SAFB: variants seen among roughly 807,000 people sequenced by gnomAD.
The protein encoded by SAFB is scaffold attachment factor B1.
Under a neutral mutation model 101.6 loss-of-function variants are expected in SAFB, and 15 were observed. The ratio of observed to expected loss-of-function variants is 0.15; its 90% confidence interval spans 0.10 to 0.23. SAFB has a LOEUF of 0.23. Among genes scored for constraint, SAFB ranks in the 10% least tolerant of loss-of-function variants. SAFB has a pLI of 1.00. For synonymous variants in SAFB, 449 were observed against 407.5 expected, an observed-to-expected ratio of 1.10 and a Z score of -1.23; for missense variants, 930 against 1,104.1, an observed-to-expected ratio of 0.84 and a Z score of 2.23.
rs747442533 is a variant in SAFB, at chr19:5,649,899, T to C, written c.1149-27T>C. On this transcript the variant is annotated intron_variant, in intron 7 of 20. Coordinates refer to ENST00000588852, the MANE Select transcript of SAFB (RefSeq NM_001201338.2). The stretch of plus-strand genomic sequence containing the variant: ...TTGTTTCCTCCATGCTGCTTCCTTG[T>C]GGAGTGACATTGTCTTTTGTCTCTA... 4 of 1,607,024 alleles carry C rather than the reference T, an allele frequency of 2.5e-6. No homozygotes were observed. The South Asian group carries it at 3.3e-5, about 13-fold the overall frequency.
At position 5,644,517 on chromosome 19, in the gene SAFB, G is replaced by A. The variant is rs58915903; in HGVS notation, c.547-820G>A. 4.7e-3 allele frequency among the ~76,000 whole-genome samples: 713 copies of A among 152,336 alleles called. 8 individuals are homozygous for A. Among genetic ancestry groups the A allele is most frequent in the African/African-American group, 0.017 (697 of 41,566 alleles). ...TAGCATATGCGATGACCACTGCATG[G>A]CAGGAAGAAAGGAGTAGTGGAGAGT... On this transcript the variant is annotated intron_variant, in intron 4 of 20. Transcript: ENST00000588852.
At chr19:5,643,400 T>C (rs953730856) in intron 4 of SAFB, among the ~76,000 whole-genome samples, 2 of 152,222 alleles carry the variant, frequency 1.3e-5, no homozygotes, top group African/African-American at 4.8e-5. Context: ...TTGGAACTGA[T>C]TCCAAGTATC....
At chr19:5,636,088 C>T (rs2053589415) in intron 2 of SAFB, among the ~76,000 whole-genome samples, 2 of 151,986 alleles carry the variant, frequency 1.3e-5, no homozygotes, top group African/African-American at 4.8e-5. Context: ...CATTTTACCT[C>T]GGGGGAGCTT....
chr19:5,667,676 G>A lies in SAFB; in HGVS notation c.2558-144G>A. 1 of 794,610 alleles carries A rather than the reference G, an allele frequency of 1.3e-6. No homozygotes were observed. Among genetic ancestry groups the A allele is most frequent in the South Asian group, 1.6e-5 (1 of 61,742 alleles). 49.2% of individuals were successfully genotyped at this position (794,610 alleles called of 1,614,324 possible). A position where few individuals can be genotyped will look rare whatever the true frequency, so the allele number is the denominator to read the frequency against. ...GCTGGGAGGAAGCTGGACGTCTATG[G>A]TCCCTGTGCCCAGGTGTCTTCCTGG... On this transcript the variant is annotated intron_variant, in intron 19 of 20. Coordinates refer to ENST00000588852, the MANE Select transcript of SAFB (RefSeq NM_001201338.2). The surrounding 1 kb of genome is among the most constrained non-coding windows in gnomAD (Gnocchi z 4.0).
Position 5,667,223 on chromosome 19 carries a change from A to G in SAFB, c.2453+59A>G, listed in dbSNP as rs1019679564. On this transcript the variant is annotated intron_variant, in intron 18 of 20. Transcript: ENST00000588852. The surrounding 1 kb of genome is among the most constrained non-coding windows in gnomAD (Gnocchi z 4.0). ...CCCCCCGCCCACAAGGGGGCCCGCA[A>G]GTCGCTGGGATGTGGGCACAGGGTG... The G allele has an allele frequency of 2.1e-5, 26 of 1,253,646 alleles. No homozygotes were observed. The highest frequency in any genetic ancestry group is 1.5e-4 in the African/African-American group (10 of 66,678). 77.7% of individuals were successfully genotyped at this position (1,253,646 alleles called of 1,614,324 possible).
intron 7 of SAFB, 146 bp from the exon 8 acceptor site, chr19:5,649,780 C>T (rs1053434603): frequency 1.2e-6 from 1 of 842,874 alleles, no homozygotes; most frequent in Non-Finnish European, 1.9e-6. Context: ...ATGGTTAGGT[C>T]AGATTTTCAA....
At chr19:5,647,681 C>T (rs989750909) in intron 5 of SAFB, among the ~76,000 whole-genome samples, 1 of 152,206 alleles carries the variant, frequency 6.6e-6, no homozygotes, top group Non-Finnish European at 1.5e-5. Context: ...CCATGCATTC[C>T]TCTAGATGCT....
intron 2 of SAFB, among the ~76,000 whole-genome samples, chr19:5,627,202 G>T (rs2053385306): frequency 6.6e-6 from 1 of 151,486 alleles, no homozygotes; most frequent in African/African-American, 2.4e-5. Flanking sequence ...GGTGGGGGCG[G>T]GGCACAGTGT....
chr19:5,623,105 A>G lies in SAFB; in HGVS notation c.-101A>G. The G allele has an allele frequency of 8.2e-7, 1 of 1,226,392 alleles. No homozygotes were observed. The highest frequency in any genetic ancestry group is 1.1e-6 in the Non-Finnish European group (1 of 871,248). 76.0% of individuals were successfully genotyped at this position (1,226,392 alleles called of 1,614,324 possible). ...CGCAGAAGCGAGGCGCGCTGGGGCG[A>G]CTGGAGCGGTTCCCTCGCAGGCGGC... On this transcript the variant is annotated 5_prime_UTR_variant, in exon 1 of 21. Coordinates refer to ENST00000588852, the MANE Select transcript of SAFB (RefSeq NM_001201338.2).
chr19:5,643,750 C>T (rs144110634), intron 4 of SAFB, among the ~76,000 whole-genome samples: 66 of 152,090 alleles, frequency 4.3e-4, no homozygotes, highest in African/African-American at 1.5e-3. Flanking sequence ...GTAATCCCAG[C>T]TACTCAGGAG....
chr19:5,637,920 T>G (rs2053628127), intron 2 of SAFB, among the ~76,000 whole-genome samples: 1 of 152,242 alleles, frequency 6.6e-6, no homozygotes, highest in African/African-American at 2.4e-5. Context: ...ATTCTTCACA[T>G]GGAAGACAGT....
At chr19:5,662,291 A>C (rs1294211514) in intron 15 of SAFB, among the ~76,000 whole-genome samples, 1 of 152,120 alleles carries the variant, frequency 6.6e-6, no homozygotes, top group Non-Finnish European at 1.5e-5. Flanking sequence ...TTAGCTCAGG[A>C]GTTGAAGACC....
intron 1 of SAFB, chr19:5,623,802 C>T (rs369269964): frequency 6.0e-6 from 1 of 167,438 alleles, no homozygotes; most frequent in African/African-American, 2.4e-5. Flanking sequence ...GATTTGAACC[C>T]AGGCCCTGGG....
At chr19:5,645,296 T>C (rs2053803416) in intron 4 of SAFB, 41 bp from the exon 5 acceptor site, 1 of 826,362 alleles carries the variant, frequency 1.2e-6, no homozygotes, top group Non-Finnish European at 2.1e-6. Context: ...GTTACGTTAT[T>C]GTTGGTGTGA....
chr19:5,660,937 CTTTTTTTTTTTT>C (rs35511041), intron 14 of SAFB, among the ~76,000 whole-genome samples: 7 of 38,022 alleles, frequency 1.8e-4, no homozygotes, highest in Non-Finnish European at 2.7e-4. Context: ...TACTCTGTGG[CTTTTTTTTTTTT>C]TTTTTTTTTT....
At position 5,667,245 on chromosome 19, in the gene SAFB, G is replaced by C; in HGVS notation, c.2453+81G>C. 8.0e-7 allele frequency: 1 copy of C among 1,253,976 alleles called. No individual in the cohort carries two copies. The highest frequency in any genetic ancestry group is 1.1e-6 in the Non-Finnish European group (1 of 908,162). 77.7% of individuals were successfully genotyped at this position (1,253,976 alleles called of 1,614,324 possible). A position where few individuals can be genotyped will look rare whatever the true frequency, so the allele number is the denominator to read the frequency against. On this transcript the variant is annotated intron_variant, in intron 18 of 20. Transcript: ENST00000588852. The surrounding 1 kb of genome is among the most constrained non-coding windows in gnomAD (Gnocchi z 4.0). ...GCAAGTCGCTGGGATGTGGGCACAG[G>C]GTGGGAAACACAGAGGGATTCACTC... is the stretch of plus-strand genomic sequence containing the variant.
intron 17 of SAFB, 110 bp from the exon 18 acceptor site, chr19:5,666,936 T>G: frequency 1.3e-6 from 1 of 796,684 alleles, no homozygotes; most frequent in Non-Finnish European, 2.3e-6. Flanking sequence ...TGCCAGCACT[T>G]CTGTCCCGAG....
At chr19:5,625,996 A>G (rs138284422) in intron 1 of SAFB, among the ~76,000 whole-genome samples, 2 of 152,294 alleles carry the variant, frequency 1.3e-5, no homozygotes, top group Non-Finnish European at 2.9e-5. Flanking sequence ...GTCAGGGGAA[A>G]TGGAGAGTGT....
At chr19:5,651,413 G>C (rs1334169419) in intron 9 of SAFB, among the ~76,000 whole-genome samples, 1 of 152,202 alleles carries the variant, frequency 6.6e-6, no homozygotes, top group Non-Finnish European at 1.5e-5. Context: ...AGACAGCAGT[G>C]TTCTTAGAAC....
Sources: allele counts gnomAD v4.1 joint callset (sites outside exome capture counted in the v4.1 genomes callset), GRCh38; gene constraint gnomAD v4.1.1; non-coding constraint Gnocchi (gnomAD v3.1); transcripts MANE v1.5; gene names NCBI Gene and HGNC (gene_info 2026-07-23, HGNC 2026-07-21).